Variants in CADM1 observed in about 807,000 individuals in gnomAD.
The protein encoded by CADM1 is cell adhesion molecule 1, also known as TSLC-1.
A neutral mutation model predicts 53.1 loss-of-function variants in CADM1; 15 were observed. The observed-to-expected ratio is 0.28, with a 90% CI of 0.19 to 0.44. The LOEUF is 0.44. CADM1 is among the 20% of genes least tolerant of loss of function. CADM1 has a pLI of 1.00. For missense variants in CADM1, 434 were observed against 611.3 expected (o/e 0.71, Z 3.06); for synonymous variants, 281 against 243.0 (o/e 1.16, Z -1.45).
intron 1 of CADM1, among the ~76,000 whole-genome samples, chr11:115,403,126 T>C (rs1268119479): frequency 6.6e-6 from 1 of 152,242 alleles, no homozygotes; most frequent in Non-Finnish European, 1.5e-5. Flanking sequence ...ATGGGTATTA[T>C]AGACTTCCTC....
At chr11:115,197,360 C>G (rs1225105149) in intron 9 of CADM1, among the ~76,000 whole-genome samples, 1 of 152,190 alleles carries the variant, frequency 6.6e-6, no homozygotes, top group Non-Finnish European at 1.5e-5. Context: ...GATTTCCACC[C>G]TGTACAACAA....
At chr11:115,227,877 A>G (rs1941670518) in intron 5 of CADM1, among the ~76,000 whole-genome samples, 1 of 152,230 alleles carries the variant, frequency 6.6e-6, no homozygotes, top group Non-Finnish European at 1.5e-5. Context: ...ATGGAGTTGA[A>G]TGGTGGCTCC....
At position 115,444,637 on chromosome 11, in the gene CADM1, G is replaced by A. The variant is rs115630763; in HGVS notation, c.124+59634C>T. On this transcript the variant is annotated intron_variant, in intron 1 of 11. Coordinates refer to ENST00000331581, the MANE Select transcript of CADM1 (RefSeq NM_001301043.2). ...AGTTCTCTGTTCTGTATGTCCACACGACTAGAGGTAGGGGCTAGAGGACAA... is the reference window on the plus strand; with the variant it reads ...AGTTCTCTGTTCTGTATGTCCACACAACTAGAGGTAGGGGCTAGAGGACAA... Among the ~76,000 whole-genome samples, 718 of 152,292 alleles carry A rather than the reference G, an allele frequency of 4.7e-3. 10 individuals are homozygous for A. The highest frequency in any genetic ancestry group is 0.016 in the African/African-American group (684 of 41,546).
chr11:115,391,023 C>A (rs1946824138), intron 1 of CADM1, among the ~76,000 whole-genome samples: 1 of 152,164 alleles, frequency 6.6e-6, no homozygotes, highest in Non-Finnish European at 1.5e-5. Context: ...CTGCCGATAG[C>A]AAAGCAATAG....
chr11:115,458,095 C>A (rs979527789), intron 1 of CADM1, among the ~76,000 whole-genome samples: 1 of 143,158 alleles, frequency 7.0e-6, no homozygotes, highest in Non-Finnish European at 1.5e-5. Flanking sequence ...AAGCAATAAG[C>A]TGATGTTTGG....
At chr11:115,345,568 C>T (rs1945555291) in intron 1 of CADM1, among the ~76,000 whole-genome samples, 1 of 152,116 alleles carries the variant, frequency 6.6e-6, no homozygotes, top group Non-Finnish European at 1.5e-5. Flanking sequence ...TCTGTCCTAC[C>T]ACATCTCATA....
Position 115,232,113 on chromosome 11 carries a change from G to A in CADM1, c.425-623C>T, listed in dbSNP as rs181863169. 4.6e-5 allele frequency among the ~76,000 whole-genome samples: 7 copies of A among 152,228 alleles called. No homozygotes were observed. The East Asian group carries it at 1.2e-3, about 25-fold the overall frequency. On this transcript the variant is annotated intron_variant, in intron 3 of 11. Coordinates refer to ENST00000331581, the MANE Select transcript of CADM1 (RefSeq NM_001301043.2). Reference sequence around the variant, plus strand: ...CAGTCATTCAAAAATTAACCAGAAAGTAGATATAAAAGGGGAGTACATGCT... The same window carrying A: ...CAGTCATTCAAAAATTAACCAGAAAATAGATATAAAAGGGGAGTACATGCT...
At chr11:115,388,490 T>C (rs1197578224) in intron 1 of CADM1, among the ~76,000 whole-genome samples, 1 of 152,132 alleles carries the variant, frequency 6.6e-6, no homozygotes, top group Non-Finnish European at 1.5e-5. Context: ...TAAGGGTTAA[T>C]ATAGTAACTA....
intron 1 of CADM1, among the ~76,000 whole-genome samples, chr11:115,267,225 T>C (rs1320002124): frequency 6.6e-6 from 1 of 152,232 alleles, no homozygotes; most frequent in Non-Finnish European, 1.5e-5. Context: ...AGGGCAAATG[T>C]AGGAGGTACA....
chr11:115,229,404 G>T, intron 4 of CADM1, 133 bp from the exon 5 acceptor site: 1 of 811,962 alleles, frequency 1.2e-6, no homozygotes, highest in Non-Finnish European at 2.1e-6. Context: ...CTTGGGATGA[G>T]AGTAACCTGT....
Position 115,240,326 on chromosome 11 carries a change from C to T in CADM1, c.219G>A (p.Val73=). ...GCCTGTTGGGATTCAGTAGCTGAAT[C>T]ACAGAGTCGTCACTCTTATTGACTT... is the stretch of plus-strand genomic sequence containing the variant. ...SCQVNKSDDS[V]IQLLNPNRQT... is the part of the protein sequence containing the mutation. Residue 73 remains valine (V), a synonymous_variant, in exon 2 of 12, where the codon GTG becomes GTA. Coordinates refer to ENST00000331581, the MANE Select transcript of CADM1 (RefSeq NM_001301043.2). The T allele has an allele frequency of 6.2e-7, 1 of 1,613,830 alleles. No individual in the cohort carries two copies. Among genetic ancestry groups the T allele is most frequent in the Non-Finnish European group, 8.5e-7 (1 of 1,179,872 alleles).
intron 4 of CADM1, among the ~76,000 whole-genome samples, chr11:115,229,706 G>A (rs1941747760): frequency 6.6e-6 from 1 of 152,234 alleles, no homozygotes; most frequent in East Asian, 1.9e-4. Flanking sequence ...AGAAATTCTA[G>A]GATATTATCC....
rs1447111311 is a variant in CADM1 at position 115,424,059 on chromosome 11, CT to C, written c.124+80211del. Among the ~76,000 whole-genome samples the C allele has an allele frequency of 1.1e-4, 17 of 152,336 alleles. No individual in the cohort carries two copies. In the South Asian group the frequency reaches 3.5e-3, roughly 32 times the overall value. On this transcript the variant is annotated intron_variant, in intron 1 of 11. Transcript: ENST00000331581. Reference sequence around the variant, plus strand: ...GGATGGTTCCCCTTATTCTAGTGCACTGTCCAGTTGCAGCAATTAATCATTC... The same window carrying C: ...GGATGGTTCCCCTTATTCTAGTGCACGTCCAGTTGCAGCAATTAATCATTC...
At chr11:115,373,598 A>AG in intron 1 of CADM1, among the ~76,000 whole-genome samples, 1 of 118,918 alleles carries the variant, frequency 8.4e-6, no homozygotes, top group East Asian at 2.1e-4. Context: ...AAAAAAAAAA[A>AG]AAAAAAAAAA....
At chr11:115,400,691 A>ATG (rs1299500897) in intron 1 of CADM1, among the ~76,000 whole-genome samples, 5 of 104,698 alleles carry the variant, frequency 4.8e-5, no homozygotes, top group African/African-American at 1.8e-4. Flanking sequence ...ATATATATAT[A>ATG]TATATATATA....
intron 10 of CADM1, among the ~76,000 whole-genome samples, chr11:115,186,311 T>C (rs1163128499): frequency 6.6e-6 from 1 of 152,056 alleles, no homozygotes; most frequent in African/African-American, 2.4e-5. Context: ...TGAAGCAGAG[T>C]TTAGGTCTTC....
chr11:115,497,135 G>T (rs1412465049), intron 1 of CADM1, among the ~76,000 whole-genome samples: 1 of 152,190 alleles, frequency 6.6e-6, no homozygotes, highest in Non-Finnish European at 1.5e-5. Context: ...TCTGCCAAGA[G>T]CAAGATACTT....
At chr11:115,249,991 G>A (rs574915477) in intron 1 of CADM1, among the ~76,000 whole-genome samples, 8 of 152,146 alleles carry the variant, frequency 5.3e-5, no homozygotes, top group African/African-American at 1.9e-4. Flanking sequence ...TGCAAGCTCC[G>A]CCTCCCGGGT....
At position 115,480,817 on chromosome 11, in the gene CADM1, G is replaced by C. The variant is rs150473895; in HGVS notation, c.124+23454C>G. 2.7e-4 allele frequency among the ~76,000 whole-genome samples: 41 copies of C among 152,152 alleles called. No homozygotes were observed. The East Asian group carries it at 7.8e-3, about 29-fold the overall frequency. ...CCCAAGAAGGTTCTCCCTCCCTCCA[G>C]GCCTCAGCCCTGCAGGGTGCAATCT... is the stretch of plus-strand genomic sequence containing the variant. On this transcript the variant is annotated intron_variant, in intron 1 of 11. Coordinates refer to ENST00000331581, the MANE Select transcript of CADM1 (RefSeq NM_001301043.2).
Sources: allele counts gnomAD v4.1 joint callset (sites outside exome capture counted in the v4.1 genomes callset), GRCh38; gene constraint gnomAD v4.1.1; transcripts MANE v1.5; gene names NCBI Gene and HGNC (gene_info 2026-07-23, HGNC 2026-07-21).